Variants in PTPRG observed in about 807,000 individuals in gnomAD.
The protein encoded by PTPRG is receptor-type tyrosine-protein phosphatase gamma.
Under a neutral mutation model 165.3 loss-of-function variants are expected in PTPRG, and 102 were observed. The observed-to-expected ratio is 0.62, with a 90% CI of 0.53 to 0.73. PTPRG has a LOEUF of 0.73. Among genes scored for constraint, PTPRG ranks in the 30% least tolerant of loss-of-function variants. The probability of loss-of-function intolerance (pLI) is 0.00; values close to 1 mark genes in which losing one functional copy is unlikely to be tolerated. For missense variants in PTPRG, 1,866 were observed against 1,861.4 expected (o/e 1.00, Z -0.05); for synonymous variants, 675 against 669.5 (o/e 1.01, Z -0.13).
chr3:62,055,302 T>C (rs1700597431), intron 4 of PTPRG, among the ~76,000 whole-genome samples: 1 of 152,190 alleles, frequency 6.6e-6, no homozygotes, highest in East Asian at 1.9e-4. Context: ...GCAAAATGTG[T>C]TAAAAAATGT....
rs537021892 is a variant in PTPRG at position 62,183,707 on chromosome 3, G to A, written c.1034-7762G>A. On this transcript the variant is annotated intron_variant, in intron 8 of 29. Transcript: ENST00000474889. Reference sequence around the variant, plus strand: ...ATGCGTTTCTGATGGGGGAAGAGGCGATTGCTGCGTCCAGTTTTAGAGAGA... The same window carrying A: ...ATGCGTTTCTGATGGGGGAAGAGGCAATTGCTGCGTCCAGTTTTAGAGAGA... Among the ~76,000 whole-genome samples, 22 of 152,236 alleles carry A rather than the reference G, an allele frequency of 1.4e-4. No homozygotes were observed. In the South Asian group the frequency reaches 3.5e-3, roughly 24 times the overall value.
chr3:61,686,049 G>C (rs1703615733), intron 1 of PTPRG, among the ~76,000 whole-genome samples: 1 of 152,230 alleles, frequency 6.6e-6, no homozygotes, highest in African/African-American at 2.4e-5. Flanking sequence ...ACCGTGAGGA[G>C]CACTTGGTGC....
intron 1 of PTPRG, among the ~76,000 whole-genome samples, chr3:61,610,773 A>ACCTCCCTC (rs1701144753): frequency 2.3e-5 from 1 of 42,668 alleles, no homozygotes; most frequent in Non-Finnish European, 5.6e-5. Context: ...CTCCCTCCCT[A>ACCTCCCTC]CCTCCCTCCC....
chr3:61,911,443 G>T (rs561713388), intron 2 of PTPRG, among the ~76,000 whole-genome samples: 5 of 151,972 alleles, frequency 3.3e-5, no homozygotes, highest in South Asian at 2.1e-4. Context: ...TTTCCATTTG[G>T]GACTACTTTT....
At chr3:61,782,274 T>C (rs1032711474) in intron 2 of PTPRG, among the ~76,000 whole-genome samples, 8 of 152,214 alleles carry the variant, frequency 5.3e-5, no homozygotes, top group Non-Finnish European at 1.2e-4. Context: ...AGTGTAGTTA[T>C]CTCTTCTACT....
chr3:61,673,526 G>C lies in PTPRG; in HGVS notation c.86-75352G>C, dbSNP rs189233479. Among the ~76,000 whole-genome samples the C allele has an allele frequency of 5.3e-5, 8 of 150,670 alleles. 1 individual carries two copies. The highest frequency in any genetic ancestry group is 4.6e-4 in the Admixed American group (7 of 15,242). ...AGTTTGGCATTAGGCATCACACTGAGTACAAATTTATTTCTACATGTTCTT... is the reference window on the plus strand; with the variant it reads ...AGTTTGGCATTAGGCATCACACTGACTACAAATTTATTTCTACATGTTCTT... On this transcript the variant is annotated intron_variant, in intron 1 of 29. Coordinates refer to ENST00000474889, the MANE Select transcript of PTPRG (RefSeq NM_002841.4).
At chr3:61,670,299 G>A (rs1702935030) in intron 1 of PTPRG, among the ~76,000 whole-genome samples, 1 of 152,202 alleles carries the variant, frequency 6.6e-6, no homozygotes, top group African/African-American at 2.4e-5. Flanking sequence ...TTGAAAATGT[G>A]TTAATTCTTT....
At chr3:61,871,181 TTA>T (rs1207059759) in intron 2 of PTPRG, among the ~76,000 whole-genome samples, 2 of 120,740 alleles carry the variant, frequency 1.7e-5, no homozygotes, top group South Asian at 6.5e-4. Flanking sequence ...TTATGTTATG[TTA>T]TGTTATGTTA....
rs1193623450 is a variant in PTPRG at position 62,295,290 on chromosome 3, C to A, written c.*1983C>A. 1 of 152,106 alleles carries A rather than the reference C, an allele frequency of 6.6e-6. No individual in the cohort carries two copies. Among genetic ancestry groups the A allele is most frequent in the Non-Finnish European group, 1.5e-5 (1 of 68,018 alleles). The allele number at this position is 152,106 out of a possible 1,614,324, so 9.4% of individuals were successfully genotyped here. ...ACAACTGCCAGATGCTGAGGAGAAT[C>A]AGGAAAGCAATGAGCTAGACTCTTT... On this transcript the variant is annotated 3_prime_UTR_variant, in exon 30 of 30. Coordinates refer to ENST00000474889, the MANE Select transcript of PTPRG (RefSeq NM_002841.4).
intron 8 of PTPRG, among the ~76,000 whole-genome samples, chr3:62,179,263 A>G (rs1705558121): frequency 6.6e-6 from 1 of 152,148 alleles, no homozygotes; most frequent in South Asian, 2.1e-4. Context: ...GGCTTTTCTT[A>G]TTCCTTCTCA....
chr3:61,959,170 A>G (rs1036152958), intron 2 of PTPRG, among the ~76,000 whole-genome samples: 1 of 152,184 alleles, frequency 6.6e-6, no homozygotes, highest in African/African-American at 2.4e-5. Context: ...CAATATGACT[A>G]GTTATGTGTT....
Position 61,562,380 on chromosome 3 carries a change from C to G in PTPRG, c.85+8C>G. 6.2e-7 allele frequency: 1 copy of G among 1,613,034 alleles called. No individual in the cohort carries two copies. The highest frequency in any genetic ancestry group is 8.5e-7 in the Non-Finnish European group (1 of 1,179,338). On this transcript the variant is annotated splice_region_variant and intron_variant, in intron 1 of 29. Coordinates refer to ENST00000474889, the MANE Select transcript of PTPRG (RefSeq NM_002841.4). ...ATGTCGTGTGCTTCCCCGGTGAGTG[C>G]CGGCCGCCGAGGGGATGCGGCCCCG...
chr3:62,288,776 A>G, intron 28 of PTPRG, among the ~76,000 whole-genome samples: 1 of 152,150 alleles, frequency 6.6e-6, no homozygotes, highest in East Asian at 1.9e-4. Context: ...TTATGACTAA[A>G]ACACCTGAGA....
chr3:61,746,495 T>C (rs1559588492), intron 1 of PTPRG, among the ~76,000 whole-genome samples: 1 of 152,112 alleles, frequency 6.6e-6, no homozygotes, highest in East Asian at 1.9e-4. Context: ...TGGCAGAGTT[T>C]AAATTTTGTC....
At chr3:62,215,254 C>T (rs1221556936) in intron 12 of PTPRG, among the ~76,000 whole-genome samples, 1 of 152,152 alleles carries the variant, frequency 6.6e-6, no homozygotes, top group Non-Finnish European at 1.5e-5. Flanking sequence ...ATTCCAGGTT[C>T]CTGGCACCAG....
intron 1 of PTPRG, among the ~76,000 whole-genome samples, chr3:61,669,176 G>T (rs188739190): frequency 2.2e-4 from 34 of 152,288 alleles, no homozygotes; most frequent in South Asian, 4.2e-4. Context: ...AGTGGACTAA[G>T]GTAGTGTAGT....
In PTPRG at chr3:62,198,429, T is replaced by G. The variant is rs142551189; in HGVS notation, c.1328-3076T>G. 2.2e-3 allele frequency among the ~76,000 whole-genome samples: 335 copies of G among 152,288 alleles called. 1 individual carries two copies. The highest frequency in any genetic ancestry group is 7.3e-3 in the African/African-American group (304 of 41,578). On this transcript the variant is annotated intron_variant, in intron 10 of 29. Transcript: ENST00000474889. ...TAAAAATTACCAAATACCTGCAGTC[T>G]TCAACAAAAGGTTGAAAATATTGAT...
intron 15 of PTPRG, among the ~76,000 whole-genome samples, chr3:62,251,433 G>A (rs1701415981): frequency 6.6e-6 from 1 of 152,132 alleles, no homozygotes; most frequent in South Asian, 2.1e-4. Context: ...AGGATTGCTT[G>A]AGGCTAGGAG....
rs1258200966 is a variant in PTPRG, at chr3:62,275,474, T to C, written c.3466-399T>C. Reference sequence around the variant, plus strand: ...TACCTGATAGTAGAAATAAGAAAGATACAATCAAGGTCACTGAGAGAAGTA... The same window carrying C: ...TACCTGATAGTAGAAATAAGAAAGACACAATCAAGGTCACTGAGAGAAGTA... On this transcript the variant is annotated intron_variant, in intron 23 of 29. Coordinates refer to ENST00000474889, the MANE Select transcript of PTPRG (RefSeq NM_002841.4). Among the ~76,000 whole-genome samples the C allele has an allele frequency of 3.3e-5, 5 of 152,094 alleles. No individual in the cohort carries two copies. The South Asian group carries it at 6.2e-4, about 19-fold the overall frequency.
Sources: gnomAD v4.1 joint callset for allele counts (sites outside exome capture counted in the v4.1 genomes callset) on GRCh38, gnomAD v4.1.1 for gene constraint, MANE v1.5 for transcripts, NCBI Gene and HGNC (gene_info 2026-07-23, HGNC 2026-07-21) for gene names.